Variants in PLCE1 observed in about 807,000 individuals in gnomAD.
PLCE1 encodes the protein phospholipase C epsilon 1.
In PLCE1, 119 loss-of-function variants were observed where a neutral mutation model predicts 242.8. That is an observed-to-expected ratio of 0.49 (90% CI 0.42 to 0.57). The LOEUF is 0.57. PLCE1 is among the 20% of genes least tolerant of loss of function. PLCE1 has a pLI of 0.00. For missense variants in PLCE1, 2,441 were observed against 2,788.8 expected (o/e 0.88, Z 2.81); for synonymous variants, 945 against 1,017.4 (o/e 0.93, Z 1.35).
Position 94,051,352 on chromosome 10 carries a change from G to A in PLCE1, c.1206+19100G>A, listed in dbSNP as rs533227032. Among the ~76,000 whole-genome samples, 9 of 138,106 alleles carry A rather than the reference G, an allele frequency of 6.5e-5. No individual in the cohort carries two copies. In the South Asian group the frequency reaches 2.1e-3, roughly 32 times the overall value. The allele number at this position is 138,106 out of a possible 152,430, so 90.6% of individuals were successfully genotyped here. A position where few individuals can be genotyped will look rare whatever the true frequency, so the allele number is the denominator to read the frequency against. ...CTTAGAAGAAATGGAAATTGCAGAA[G>A]AGATTTGCAGTTTTTCATGTGTAAG... On this transcript the variant is annotated intron_variant, in intron 2 of 32. Coordinates refer to ENST00000371380, the MANE Select transcript of PLCE1 (RefSeq NM_016341.4).
intron 27 of PLCE1, among the ~76,000 whole-genome samples, chr10:94,311,451 G>A (rs563237003): frequency 2.0e-5 from 3 of 152,230 alleles, no homozygotes; most frequent in Admixed American, 6.5e-5. Flanking sequence ...TGTATTTTTT[G>A]TTATATCACA....
chr10:93,997,048 T>C (rs2060837803), intron 1 of PLCE1, among the ~76,000 whole-genome samples: 1 of 152,254 alleles, frequency 6.6e-6, no homozygotes, highest in African/African-American at 2.4e-5. Context: ...TTGGTAACAC[T>C]ATGGTGCTTA....
intron 20 of PLCE1, among the ~76,000 whole-genome samples, chr10:94,281,000 T>TTGC (rs1292993267): frequency 6.6e-6 from 1 of 152,234 alleles, no homozygotes; most frequent in Non-Finnish European, 1.5e-5. Context: ...AAAAGCCAGT[T>TTGC]TGCTACACCT....
chr10:94,226,670 C>T (rs2049949573), intron 4 of PLCE1, among the ~76,000 whole-genome samples: 1 of 151,720 alleles, frequency 6.6e-6, no homozygotes, highest in Admixed American at 6.6e-5. Flanking sequence ...ATTTTAATGT[C>T]CATCAGTCAA....
In PLCE1 at chr10:94,091,983, A is replaced by G. The variant is rs567126847; in HGVS notation, c.1207-40191A>G. Among the ~76,000 whole-genome samples the G allele has an allele frequency of 9.4e-3, 1,425 of 152,308 alleles. 14 individuals are homozygous for G. The highest frequency in any genetic ancestry group is 0.044 in the Middle Eastern group (13 of 294). On this transcript the variant is annotated intron_variant, in intron 2 of 32. Coordinates refer to ENST00000371380, the MANE Select transcript of PLCE1 (RefSeq NM_016341.4). The stretch of plus-strand genomic sequence containing the variant: ...TGCTAATGATTTTATAGCAGAAAAG[A>G]AAAAGAAATACCATAGAAGGTACAG...
At chr10:94,315,430 C>A (rs1479737398) in intron 28 of PLCE1, 4 of 456,082 alleles carry the variant, frequency 8.8e-6, no homozygotes, top group South Asian at 4.6e-5. Context: ...TGCAACTGAC[C>A]TTTACTCCCT....
At chr10:94,046,394 G>T (rs1459212472) in intron 2 of PLCE1, among the ~76,000 whole-genome samples, 1 of 152,222 alleles carries the variant, frequency 6.6e-6, no homozygotes, top group Non-Finnish European at 1.5e-5. Flanking sequence ...GGAAGAGCCA[G>T]TATGGTCTGG....
chr10:94,203,039 T>C (rs2049032569), intron 4 of PLCE1, among the ~76,000 whole-genome samples: 1 of 152,206 alleles, frequency 6.6e-6, no homozygotes, highest in African/African-American at 2.4e-5. Context: ...GCCAGCATGG[T>C]GCTATGTGCT....
At chr10:94,102,694 C>T (rs1174872033) in intron 2 of PLCE1, among the ~76,000 whole-genome samples, 1 of 152,182 alleles carries the variant, frequency 6.6e-6, no homozygotes, top group Non-Finnish European at 1.5e-5. Flanking sequence ...CCATGGCTAT[C>T]CTGTCTGCAT....
chr10:94,097,156 A>G (rs991213352), intron 2 of PLCE1, among the ~76,000 whole-genome samples: 3 of 152,212 alleles, frequency 2.0e-5, no homozygotes, highest in African/African-American at 7.2e-5. Context: ...AGGCTACTTG[A>G]CCTATAAATA....
chr10:94,040,102 G>A (rs1225067591), intron 2 of PLCE1, among the ~76,000 whole-genome samples: 1 of 152,044 alleles, frequency 6.6e-6, no homozygotes, highest in African/African-American at 2.4e-5. Flanking sequence ...TATTCTACCA[G>A]CAACAACTTT....
At chr10:94,027,837 A>AAATG (rs1217898949) in intron 1 of PLCE1, among the ~76,000 whole-genome samples, 3 of 151,768 alleles carry the variant, frequency 2.0e-5, no homozygotes, top group Non-Finnish European at 2.9e-5. Context: ...ATAAATAAAT[A>AAATG]AATAAATAAA....
chr10:94,197,672 G>A (rs921249311), intron 4 of PLCE1, among the ~76,000 whole-genome samples: 2 of 152,170 alleles, frequency 1.3e-5, no homozygotes, highest in Admixed American at 6.5e-5. Flanking sequence ...TGACAATGAA[G>A]CGTGACATTA....
chr10:94,279,941 C>A (rs1375709917), intron 20 of PLCE1, 30 bp downstream of exon 20: 3 of 1,610,832 alleles, frequency 1.9e-6, no homozygotes, highest in Non-Finnish European at 2.5e-6. Flanking sequence ...ATGCTGTGCA[C>A]AGGAAAATTC....
intron 2 of PLCE1, among the ~76,000 whole-genome samples, chr10:94,040,113 C>T (rs2061736799): frequency 6.6e-6 from 1 of 152,146 alleles, no homozygotes; most frequent in Non-Finnish European, 1.5e-5. Context: ...CAACAACTTT[C>T]AAATATGATT....
intron 3 of PLCE1, among the ~76,000 whole-genome samples, chr10:94,144,551 A>C (rs947245592): frequency 4.6e-5 from 7 of 152,346 alleles, no homozygotes; most frequent in African/African-American, 1.4e-4. Context: ...ACAGTCAATC[A>C]AATGGGAAAA....
chr10:94,072,315 C>G (rs988319247), intron 2 of PLCE1, among the ~76,000 whole-genome samples: 1 of 151,884 alleles, frequency 6.6e-6, no homozygotes, highest in Non-Finnish European at 1.5e-5. Context: ...CTCGCTCTGT[C>G]ACCCAGGCCG....
intron 7 of PLCE1, among the ~76,000 whole-genome samples, chr10:94,243,235 C>G (rs2050568398): frequency 6.6e-6 from 1 of 152,158 alleles, no homozygotes; most frequent in Non-Finnish European, 1.5e-5. Flanking sequence ...CTCCCCAAAC[C>G]CATAACCTGC....
chr10:94,234,320 C>A lies in PLCE1; in HGVS notation c.2214+8C>A, dbSNP rs2050245839. ...CAAGAAGAAACTTTAGAGGTAAGGC[C>A]TTTCAGAATCATCGTGGCCTGAAGA... On this transcript the variant is annotated splice_region_variant and intron_variant, in intron 6 of 32. Transcript: ENST00000371380. The A allele has an allele frequency of 6.2e-7, 1 of 1,613,544 alleles. No individual in the cohort carries two copies. Among genetic ancestry groups the A allele is most frequent in the Non-Finnish European group, 8.5e-7 (1 of 1,179,924 alleles).
Sources: allele counts gnomAD v4.1 joint callset (sites outside exome capture counted in the v4.1 genomes callset), GRCh38; gene constraint gnomAD v4.1.1; transcripts MANE v1.5; gene names NCBI Gene and HGNC (gene_info 2026-07-23, HGNC 2026-07-21).